Variants in TBX15 observed in about 807,000 individuals in gnomAD.
The protein encoded by TBX15 is T-box transcription factor 15, also known as T-box transcription factor TBX15.
Under a neutral mutation model 53.9 loss-of-function variants are expected in TBX15, and 18 were observed. The ratio of observed to expected loss-of-function variants is 0.33; its 90% CI spans 0.23 to 0.49. The LOEUF (loss-of-function observed/expected upper bound fraction) is 0.49, where lower values mean the gene tolerates loss of function less well. Among genes scored for constraint, TBX15 ranks in the 20% least tolerant of loss-of-function variants. The pLI, the probability that TBX15 is intolerant of heterozygous loss-of-function variation, is 0.98. For missense variants in TBX15, 692 were observed against 749.5 expected, an observed-to-expected ratio of 0.92 and a Z score of 0.90; for synonymous variants, 295 against 278.0, an observed-to-expected ratio of 1.06 and a Z score of -0.61.
intron 6 of TBX15, 83 bp downstream of exon 6, chr1:118,914,032 G>C (rs774327595): frequency 7.0e-7 from 1 of 1,434,338 alleles, no homozygotes; most frequent in Non-Finnish European, 9.8e-7. Flanking sequence ...TTTTCTAAAA[G>C]GCAGGAGCCA....
chr1:118,938,054 A>G (rs531851938), intron 1 of TBX15, among the ~76,000 whole-genome samples: 71 of 152,278 alleles, frequency 4.7e-4, no homozygotes, highest in African/African-American at 1.6e-3. Context: ...AATTTTTCAT[A>G]GAGTAACTCT....
chr1:118,929,746 C>T (rs146312176), intron 2 of TBX15, among the ~76,000 whole-genome samples: 67 of 152,104 alleles, frequency 4.4e-4, no homozygotes, highest in African/African-American at 1.4e-3. Flanking sequence ...ACTCAATTCA[C>T]TAAAGCACAG....
At chr1:118,953,230 A>T (rs534775837) in intron 1 of TBX15, among the ~76,000 whole-genome samples, 15 of 152,376 alleles carry the variant, frequency 9.8e-5, no homozygotes, top group African/African-American at 3.6e-4. Context: ...AGTCACTGGA[A>T]TTTAATTCAT....
intron 1 of TBX15, among the ~76,000 whole-genome samples, chr1:118,961,981 C>T (rs1363621770): frequency 1.3e-5 from 2 of 152,182 alleles, no homozygotes; most frequent in Non-Finnish European, 2.9e-5. Flanking sequence ...TACTGAAGAA[C>T]TTTTTAAGTT....
intron 1 of TBX15, among the ~76,000 whole-genome samples, chr1:118,945,680 T>C (rs755587647): frequency 1.3e-5 from 2 of 151,980 alleles, no homozygotes; most frequent in African/African-American, 2.4e-5. Context: ...AAGGATTATT[T>C]TCCCCCCCTA....
chr1:118,984,296 G>A (rs1277493309), intron 1 of TBX15, among the ~76,000 whole-genome samples: 2 of 152,254 alleles, frequency 1.3e-5, no homozygotes, highest in East Asian at 3.8e-4. Context: ...CTGGAACGCA[G>A]CTGCTGTGTG....
intron 6 of TBX15, among the ~76,000 whole-genome samples, chr1:118,901,064 T>A (rs546718589): frequency 6.6e-6 from 1 of 152,228 alleles, no homozygotes; most frequent in Non-Finnish European, 1.5e-5. Context: ...AATATACTGA[T>A]ACACTGCCAA....
intron 1 of TBX15, among the ~76,000 whole-genome samples, chr1:118,957,904 C>T (rs1656747272): frequency 6.6e-6 from 1 of 152,170 alleles, no homozygotes; most frequent in East Asian, 1.9e-4. Flanking sequence ...CAAGTCTTTG[C>T]TGTTGTGAAT....
chr1:118,958,691 AG>A (rs1326023131), intron 1 of TBX15, among the ~76,000 whole-genome samples: 2 of 152,058 alleles, frequency 1.3e-5, no homozygotes, highest in African/African-American at 4.8e-5. Context: ...CACCTCCCAG[AG>A]AAGTAGCTAA....
intron 1 of TBX15, among the ~76,000 whole-genome samples, chr1:118,963,771 T>C (rs1656952671): frequency 6.6e-6 from 1 of 152,198 alleles, no homozygotes; most frequent in Admixed American, 6.5e-5. Context: ...TACAGTCTCC[T>C]CCCACACTGA....
intron 6 of TBX15, among the ~76,000 whole-genome samples, chr1:118,907,706 C>G (rs555456602): frequency 4.1e-4 from 63 of 152,312 alleles, no homozygotes; most frequent in East Asian, 2.9e-3. Flanking sequence ...TCTTGCTCCT[C>G]TTTAGCTTCA....
chr1:118,887,671 C>CA (rs200343289), intron 7 of TBX15, among the ~76,000 whole-genome samples: 21,054 of 89,914 alleles, frequency 0.23, 1,720 homozygotes, highest in East Asian at 0.36. Context: ...GCAAAACTCT[C>CA]AAAAAAAAAA....
chr1:118,916,810 G>A (rs758521053), intron 5 of TBX15, among the ~76,000 whole-genome samples: 1 of 151,972 alleles, frequency 6.6e-6, no homozygotes, highest in Non-Finnish European at 1.5e-5. Context: ...GAGCTATGGT[G>A]AGCTACGATT....
chr1:118,898,077 T>C (rs1347243330), intron 7 of TBX15, among the ~76,000 whole-genome samples: 1 of 152,202 alleles, frequency 6.6e-6, no homozygotes, highest in South Asian at 2.1e-4. Context: ...AAGAATTCTA[T>C]TTGATTCTAC....
At chr1:118,887,167 G>A (rs1199152114) in intron 7 of TBX15, among the ~76,000 whole-genome samples, 1 of 152,154 alleles carries the variant, frequency 6.6e-6, no homozygotes, top group Non-Finnish European at 1.5e-5. Context: ...CTTCCATAGG[G>A]AATCTTCCGT....
intron 1 of TBX15, among the ~76,000 whole-genome samples, chr1:118,932,641 T>A (rs1479708751): frequency 2.6e-5 from 4 of 152,110 alleles, no homozygotes; most frequent in Non-Finnish European, 4.4e-5. Context: ...AAATAAAAAG[T>A]TGGCATGCTG....
chr1:118,953,295 C>T (rs769032583), intron 1 of TBX15, among the ~76,000 whole-genome samples: 2 of 152,084 alleles, frequency 1.3e-5, no homozygotes, highest in South Asian at 2.1e-4. Context: ...GCCAACCAAA[C>T]GTAAAATACA....
At chr1:118,944,870 T>C (rs1478734487) in intron 1 of TBX15, among the ~76,000 whole-genome samples, 1 of 152,220 alleles carries the variant, frequency 6.6e-6, no homozygotes, top group Non-Finnish European at 1.5e-5. Flanking sequence ...GGAGATTTCC[T>C]GAGCACCTGG....
At chr1:118,985,901 C>T (rs1557911424) in intron 1 of TBX15, among the ~76,000 whole-genome samples, 1 of 152,160 alleles carries the variant, frequency 6.6e-6, no homozygotes, top group Non-Finnish European at 1.5e-5. Context: ...CTTCTGCCTC[C>T]TGAATGGAGC....
Sources: gnomAD v4.1 joint callset for allele counts (sites outside exome capture counted in the v4.1 genomes callset) on GRCh38, gnomAD v4.1.1 for gene constraint, MANE v1.5 for transcripts, NCBI Gene and HGNC (gene_info 2026-07-23, HGNC 2026-07-21) for gene names.